Variants in RERE observed in about 807,000 individuals in gnomAD.
RERE encodes arginine-glutamic acid dipeptide repeats protein.
RERE carries 40 observed loss-of-function variants against 146.1 expected under a neutral mutation model. The observed-to-expected ratio is 0.27, with a 90% CI of 0.21 to 0.36. RERE has a LOEUF of 0.36. Ranked by LOEUF, RERE falls within the 10% of genes least tolerant of loss-of-function variation. The probability of loss-of-function intolerance (pLI) is 1.00; values close to 1 mark genes in which losing one functional copy is unlikely to be tolerated. For synonymous variants in RERE, 1,003 were observed against 866.0 expected (o/e 1.16, Z -2.78); for missense variants, 1,933 against 2,138.7 (o/e 0.90, Z 1.90).
At chr1:8,780,165 T>G (rs1340448252) in intron 1 of RERE, among the ~76,000 whole-genome samples, 2 of 152,214 alleles carry the variant, frequency 1.3e-5, no homozygotes. Flanking sequence ...ATGCCAACTC[T>G]GTCACTAATT....
At chr1:8,677,449 G>GAAAAA (rs1638867848) in intron 1 of RERE, among the ~76,000 whole-genome samples, 2 of 96,912 alleles carry the variant, frequency 2.1e-5, no homozygotes, top group Non-Finnish European at 2.2e-5. Flanking sequence ...AAGAAAGAAA[G>GAAAAA]AAAAGAAAAA....
intron 11 of RERE, among the ~76,000 whole-genome samples, chr1:8,437,554 G>A (rs1252708192): frequency 6.6e-6 from 1 of 152,022 alleles, no homozygotes; most frequent in Non-Finnish European, 1.5e-5. Flanking sequence ...CAAGATCAGG[G>A]GCTGGTAATG....
chr1:8,406,076 C>T (rs1557614841), intron 12 of RERE, among the ~76,000 whole-genome samples: 1 of 151,956 alleles, frequency 6.6e-6, no homozygotes, highest in East Asian at 1.9e-4. Flanking sequence ...CAGTAGGATT[C>T]TGAGTGAGTC....
chr1:8,362,403 C>T (rs2124371503), intron 16 of RERE, among the ~76,000 whole-genome samples: 1 of 152,296 alleles, frequency 6.6e-6, no homozygotes, highest in African/African-American at 2.4e-5. Flanking sequence ...GAGGACTGTA[C>T]TTGGCTCTGG....
intron 11 of RERE, among the ~76,000 whole-genome samples, chr1:8,433,230 T>G (rs1644118784): frequency 6.6e-6 from 1 of 152,228 alleles, no homozygotes; most frequent in African/African-American, 2.4e-5. Context: ...CCTCAATTTC[T>G]ATGTCCCTGG....
Position 8,355,104 on chromosome 1 carries a change from CTTCT to C in RERE, c.4680_4683del (p.Glu1561ValfsTer11), listed in dbSNP as rs1641238393. ...TAAATAACTTATAACTGCTTGTCAC[CTTCT>C]TTCTTCAGTCGACTGGAAAGACAAA... On this transcript the variant is annotated frameshift_variant, in exon 23 of 23. Transcript: ENST00000400908. LOFTEE classifies it high-confidence loss of function. 1 of 1,613,852 alleles carries C rather than the reference CTTCT, an allele frequency of 6.2e-7. No individual in the cohort carries two copies. Among genetic ancestry groups the C allele is most frequent in the Non-Finnish European group, 8.5e-7 (1 of 1,179,942 alleles).
intron 7 of RERE, among the ~76,000 whole-genome samples, chr1:8,528,930 C>G (rs1290968973): frequency 6.6e-6 from 1 of 152,170 alleles, no homozygotes; most frequent in African/African-American, 2.4e-5. Flanking sequence ...TGATTGTGAT[C>G]TGTCACAGGA....
chr1:8,443,476 A>AAAG (rs1553167402), intron 11 of RERE, among the ~76,000 whole-genome samples: 1 of 151,196 alleles, frequency 6.6e-6, no homozygotes, highest in Non-Finnish European at 1.5e-5. Flanking sequence ...AAAAAAAAAA[A>AAAG]AAAGAAAGAA....
At position 8,361,503 on chromosome 1, in the gene RERE, A is replaced by G; in HGVS notation, c.2017-13T>C. The G allele has an allele frequency of 6.2e-7, 1 of 1,608,070 alleles. No homozygotes were observed. Among genetic ancestry groups the G allele is most frequent in the East Asian group, 2.2e-5 (1 of 44,888 alleles). On this transcript the variant is annotated splice_polypyrimidine_tract_variant and intron_variant, in intron 17 of 22. Coordinates refer to ENST00000400908, the MANE Select transcript of RERE (RefSeq NM_001042681.2). ...GCCTGCTGATCTCCTGGAGTCAGAGAAGGGAAGGATGGAAGTCCCAGGAGG... is the reference window on the plus strand; with the variant it reads ...GCCTGCTGATCTCCTGGAGTCAGAGGAGGGAAGGATGGAAGTCCCAGGAGG...
intron 8 of RERE, among the ~76,000 whole-genome samples, chr1:8,500,970 C>CCGG (rs1350302232): frequency 1.3e-4 from 19 of 147,316 alleles, no homozygotes; most frequent in Non-Finnish European, 2.6e-4. Flanking sequence ...GCCCCTCCAT[C>CCGG]CGGCAGCCAC....
At chr1:8,594,585 T>G (rs536556696) in intron 4 of RERE, among the ~76,000 whole-genome samples, 6 of 152,188 alleles carry the variant, frequency 3.9e-5, no homozygotes, top group Admixed American at 2.0e-4. Flanking sequence ...GAGCAAATAC[T>G]ACAATATAGT....
intron 11 of RERE, among the ~76,000 whole-genome samples, chr1:8,431,064 T>C (rs1385979035): frequency 1.3e-5 from 2 of 152,204 alleles, no homozygotes; most frequent in African/African-American, 4.8e-5. Flanking sequence ...GCAGGCTTAT[T>C]ACCCTTACGT....
intron 1 of RERE, among the ~76,000 whole-genome samples, chr1:8,757,090 CAAAAAAA>C (rs34237128): frequency 6.7e-5 from 4 of 59,496 alleles, no homozygotes; most frequent in Admixed American, 1.7e-4. Flanking sequence ...AACTCCATCT[CAAAAAAA>C]AAAAAAAAAA....
chr1:8,359,115 G>A (rs983189822), intron 19 of RERE, among the ~76,000 whole-genome samples, 199 bp from the exon 20 acceptor site: 4 of 152,212 alleles, frequency 2.6e-5, no homozygotes, highest in Non-Finnish European at 5.9e-5. Context: ...ACCTGTGCCC[G>A]CAGCTCCCCT....
chr1:8,556,637 A>T, intron 5 of RERE, 66 bp from the exon 6 acceptor site: 1 of 1,045,642 alleles, frequency 9.6e-7, no homozygotes, highest in South Asian at 1.3e-5. Context: ...AAAAATTTGT[A>T]AAACTTTTCT....
chr1:8,701,576 A>G (rs905189511), intron 1 of RERE, among the ~76,000 whole-genome samples: 1 of 152,180 alleles, frequency 6.6e-6, no homozygotes, highest in African/African-American at 2.4e-5. Context: ...CACTTCTCGC[A>G]GATGCATTGC....
chr1:8,357,019 G>A (rs1005919358), intron 20 of RERE, among the ~76,000 whole-genome samples: 11 of 152,136 alleles, frequency 7.2e-5, no homozygotes, highest in Admixed American at 6.6e-4. Flanking sequence ...CTCTCCTGAC[G>A]GCCTTCTCGA....
chr1:8,792,866 A>C (rs1002406386), intron 1 of RERE, among the ~76,000 whole-genome samples: 5 of 151,992 alleles, frequency 3.3e-5, no homozygotes, highest in East Asian at 1.9e-4. Flanking sequence ...GAACATAAAG[A>C]AGCAGGAAGG....
intron 8 of RERE, among the ~76,000 whole-genome samples, chr1:8,507,482 A>G (rs1645267969): frequency 6.6e-6 from 1 of 152,284 alleles, no homozygotes; most frequent in East Asian, 1.9e-4. Context: ...ATCTTGGCTC[A>G]CTGCAACCTC....
Sources: allele counts gnomAD v4.1 joint callset (sites outside exome capture counted in the v4.1 genomes callset), GRCh38; gene constraint gnomAD v4.1.1; transcripts MANE v1.5; gene names NCBI Gene and HGNC (gene_info 2026-07-23, HGNC 2026-07-21).